Variants in SCFD1 observed in about 807,000 individuals in gnomAD.
SCFD1 encodes sec1 family domain-containing protein 1.
In SCFD1, 37 loss-of-function variants were observed where a neutral mutation model predicts 103.2. The ratio of observed to expected loss-of-function variants is 0.36; its 90% CI spans 0.28 to 0.47. SCFD1 has a LOEUF of 0.47. SCFD1 is among the 20% of genes least tolerant of loss of function. SCFD1 has a pLI of 1.00. For missense variants in SCFD1, 639 were observed against 761.2 expected (o/e 0.84, Z 1.89); for synonymous variants, 264 against 245.0 (o/e 1.08, Z -0.73).
At chr14:30,706,694 C>G (rs1437714091) in intron 18 of SCFD1, among the ~76,000 whole-genome samples, 1 of 152,142 alleles carries the variant, frequency 6.6e-6, no homozygotes, top group Admixed American at 6.5e-5. Context: ...AGAAACTGAA[C>G]AAGGTAATTC....
intron 1 of SCFD1, among the ~76,000 whole-genome samples, chr14:30,625,612 TATA>T (rs2138970857): frequency 1.5e-5 from 1 of 68,548 alleles, no homozygotes; most frequent in South Asian, 4.2e-4. Context: ...TAGGTATAGG[TATA>T]CCTATATAGG....
rs140542710 is a variant in SCFD1, at chr14:30,702,027, A to G, written c.1411-269A>G. ...AGTCTATCCCAGCAGTAAAGGAAAA[A>G]ATAGCTTTGTTGGACTTGCTGAGAA... is the stretch of plus-strand genomic sequence containing the variant. On this transcript the variant is annotated intron_variant, in intron 16 of 24. Transcript: ENST00000458591. 5.9e-5 allele frequency among the ~76,000 whole-genome samples: 9 copies of G among 152,318 alleles called. No homozygotes were observed. In the East Asian group the frequency reaches 1.7e-3, roughly 29 times the overall value.
chr14:30,665,759 G>T (rs920761518), intron 10 of SCFD1, among the ~76,000 whole-genome samples: 2 of 151,662 alleles, frequency 1.3e-5, no homozygotes, highest in African/African-American at 4.9e-5. Context: ...TATGATAAAA[G>T]AGACTTTAAA....
At chr14:30,701,358 C>T (rs1891064383) in intron 16 of SCFD1, among the ~76,000 whole-genome samples, 1 of 152,058 alleles carries the variant, frequency 6.6e-6, no homozygotes. Flanking sequence ...AGTTTGAGAC[C>T]AGCCTGGCCA....
intron 23 of SCFD1, among the ~76,000 whole-genome samples, chr14:30,724,526 T>A (rs554722357): frequency 8.5e-5 from 13 of 152,262 alleles, no homozygotes; most frequent in Non-Finnish European, 1.9e-4. Flanking sequence ...GTGCTGAGAT[T>A]ACAGGTGTGA....
At position 30,720,691 on chromosome 14, in the gene SCFD1, A is replaced by G. The variant is rs558419483; in HGVS notation, c.1737-1193A>G. Among the ~76,000 whole-genome samples, 46 of 152,298 alleles carry G rather than the reference A, an allele frequency of 3.0e-4. 1 individual carries two copies. The highest frequency in any genetic ancestry group is 1.1e-3 in the African/African-American group (46 of 41,570). On this transcript the variant is annotated intron_variant, in intron 21 of 24. Transcript: ENST00000458591. ...GTAATACTGTTTATATAGCATTTAC[A>G]TTATATTAGGTATCATAAGTAATCT... is the stretch of plus-strand genomic sequence containing the variant.
chr14:30,710,687 A>G (rs1891810629), intron 19 of SCFD1, among the ~76,000 whole-genome samples: 1 of 152,188 alleles, frequency 6.6e-6, no homozygotes, highest in East Asian at 1.9e-4. Flanking sequence ...CTCTAGAAAT[A>G]TGTAAACTCA....
Position 30,673,291 on chromosome 14 carries a change from G to GA in SCFD1, c.1032dup (p.Leu345ThrfsTer10). 6.3e-7 allele frequency: 1 copy of GA among 1,599,658 alleles called. No individual in the cohort carries two copies. The highest frequency in any genetic ancestry group is 8.5e-7 in the Non-Finnish European group (1 of 1,171,342). Reference sequence around the variant, plus strand: ...AGAAGTTGCAGAATCAGTTCAGCAAGAACTAGAATCTTACAGAGCACAGGA... The same window carrying GA: ...AGAAGTTGCAGAATCAGTTCAGCAAGAAACTAGAATCTTACAGAGCACAGGA... On this transcript the variant is annotated frameshift_variant, in exon 12 of 25. Coordinates refer to ENST00000458591, the MANE Select transcript of SCFD1 (RefSeq NM_016106.4). LOFTEE classifies it high-confidence loss of function.
intron 6 of SCFD1, among the ~76,000 whole-genome samples, chr14:30,642,561 A>G (rs1488295641): frequency 1.3e-5 from 2 of 152,218 alleles, no homozygotes; most frequent in African/African-American, 4.8e-5. Flanking sequence ...TGTAGATTAG[A>G]AGAGAAATTT....
chr14:30,632,204 T>C (rs1348570286), intron 3 of SCFD1, among the ~76,000 whole-genome samples: 1 of 152,142 alleles, frequency 6.6e-6, no homozygotes. Context: ...TTTTATGATA[T>C]CATATATTGA....
intron 1 of SCFD1, among the ~76,000 whole-genome samples, chr14:30,624,361 T>A (rs1437410292): frequency 6.6e-6 from 1 of 152,234 alleles, no homozygotes; most frequent in East Asian, 1.9e-4. Context: ...ATTATCTGTA[T>A]GTTGATGATT....
chr14:30,691,722 A>T (rs1019926184), intron 14 of SCFD1, among the ~76,000 whole-genome samples: 1 of 152,168 alleles, frequency 6.6e-6, no homozygotes, highest in Non-Finnish European at 1.5e-5. Flanking sequence ...TGTCACCTCA[A>T]AAAGAAACCC....
intron 11 of SCFD1, among the ~76,000 whole-genome samples, chr14:30,670,984 T>A (rs1888484417): frequency 6.6e-6 from 1 of 152,156 alleles, no homozygotes; most frequent in South Asian, 2.1e-4. Flanking sequence ...TAGTGATCAT[T>A]ATGGCTAGAG....
chr14:30,658,684 C>T (rs372644337), intron 10 of SCFD1, among the ~76,000 whole-genome samples: 47 of 152,222 alleles, frequency 3.1e-4, no homozygotes, highest in Non-Finnish European at 5.9e-5. Flanking sequence ...TGAGCTAACG[C>T]ACCTAGCTAA....
chr14:30,629,348 C>T (rs530661577), intron 2 of SCFD1, among the ~76,000 whole-genome samples: 7 of 152,184 alleles, frequency 4.6e-5, no homozygotes, highest in Admixed American at 6.5e-5. Context: ...CAACATGTTT[C>T]ATTCTCTCAT....
At chr14:30,722,460 GTGTT>G in intron 22 of SCFD1, 30 bp from the exon 23 acceptor site, 1 of 1,391,774 alleles carries the variant, frequency 7.2e-7, no homozygotes, top group Non-Finnish European at 9.9e-7. Flanking sequence ...ACTAAAAACT[GTGTT>G]TTTTTTTTTT....
intron 23 of SCFD1, among the ~76,000 whole-genome samples, chr14:30,724,249 T>TTTTTTG (rs1277826394): frequency 7.9e-6 from 1 of 126,302 alleles, no homozygotes; most frequent in African/African-American, 3.4e-5. Context: ...TTATGGGTTT[T>TTTTTTG]TTTTTTTTTT....
rs565491561 is a variant in SCFD1 at position 30,672,856 on chromosome 14, C to T, written c.996-401C>T. 5.9e-5 allele frequency among the ~76,000 whole-genome samples: 9 copies of T among 152,192 alleles called. No individual in the cohort carries two copies. In the East Asian group the frequency reaches 1.5e-3, roughly 26 times the overall value. On this transcript the variant is annotated intron_variant, in intron 11 of 24. Transcript: ENST00000458591. ...AATGCTGTCTTTGTAGTTGCATGGA[C>T]CCTTTGACATGACGTGTTAATTTGG...
rs1385731267 is a variant in SCFD1, at chr14:30,648,396, G to A, written c.614-1132G>A. Among the ~76,000 whole-genome samples, 4 of 152,234 alleles carry A rather than the reference G, an allele frequency of 2.6e-5. No homozygotes were observed. The East Asian group carries it at 7.7e-4, about 29-fold the overall frequency. On this transcript the variant is annotated intron_variant, in intron 7 of 24. Transcript: ENST00000458591. The stretch of plus-strand genomic sequence containing the variant: ...CTCAGTTTGTCTTATGAGACTTTCA[G>A]TGCAGTTGGACTTTTTTTCTATTTA...
Sources: gnomAD v4.1 joint callset for allele counts (sites outside exome capture counted in the v4.1 genomes callset) on GRCh38, gnomAD v4.1.1 for gene constraint, MANE v1.5 for transcripts, NCBI Gene and HGNC (gene_info 2026-07-23, HGNC 2026-07-21) for gene names.